TOP2A: variants seen among roughly 807,000 people sequenced by gnomAD.
TOP2A encodes DNA topoisomerase 2-alpha.
TOP2A carries 68 observed loss-of-function variants against 187.2 expected under a neutral mutation model. That is an observed-to-expected ratio of 0.36 (90% CI 0.30 to 0.44). The LOEUF is 0.44. Among genes scored for constraint, TOP2A ranks in the 20% least tolerant of loss-of-function variants. The pLI, the probability that TOP2A is intolerant of heterozygous loss-of-function variation, is 1.00. For missense variants in TOP2A, 1,196 were observed against 1,808.7 expected (o/e 0.66, Z 6.14); for synonymous variants, 542 against 593.2 (o/e 0.91, Z 1.25).
rs554147163 is a variant in TOP2A, at chr17:40,410,484, G to C, written c.1203+625C>G. Among the ~76,000 whole-genome samples the C allele has an allele frequency of 2.6e-5, 4 of 152,300 alleles. No individual in the cohort carries two copies. In the East Asian group the frequency reaches 5.8e-4, roughly 22 times the overall value. On this transcript the variant is annotated intron_variant, in intron 10 of 34. Transcript: ENST00000423485. ...GAAGTCATTGAAAGATTTCAAATGA[G>C]AGTGAAGATAAAAATGGGTGTTTTA...
At chr17:40,415,148 G>A (rs1035788942) in intron 4 of TOP2A, among the ~76,000 whole-genome samples, 2 of 150,362 alleles carry the variant, frequency 1.3e-5, no homozygotes, top group African/African-American at 4.9e-5. Context: ...TCCACCTCCC[G>A]GGTTCATGCC....
rs756124316 is a variant in TOP2A, at chr17:40,408,622, G to T, written c.1212C>A (p.Gly404=). The stretch of plus-strand genomic sequence containing the variant: ...TTAGTATGCTTTCTACAATACCACA[G>T]CCAATGGCCTGAAAACGAGAAGATT... ...LSEKFIKAAI[G]CGIVESILNW... Residue 404 remains glycine (G), a synonymous_variant, in exon 11 of 35, where the codon GGC becomes GGA. Coordinates refer to ENST00000423485, the MANE Select transcript of TOP2A (RefSeq NM_001067.4). 1.2e-6 allele frequency: 2 copies of T among 1,613,738 alleles called. No individual in the cohort carries two copies. The highest frequency in any genetic ancestry group is 2.2e-5 in the South Asian group (2 of 91,084).
rs1411883240 is a variant in TOP2A at position 40,400,570 on chromosome 17, T to C, written c.2758A>G (p.Thr920Ala). Residue 920 changes from threonine to alanine, a missense_variant, in exon 22 of 35, where the codon ACC becomes GCC. By Grantham distance (58) the Thr-to-Ala change is moderately conservative. Transcript: ENST00000423485. ...SGEVAILNSTTIEISELPVRT... is the reference protein window; with the variant it reads ...SGEVAILNSTAIEISELPVRT... ...ACGGGAAGCTCTGAGATTTCAATGGTTGTAGAATTAAGAATAGCTACTTCA... is the reference window on the plus strand; with the variant it reads ...ACGGGAAGCTCTGAGATTTCAATGGCTGTAGAATTAAGAATAGCTACTTCA... 2 of 1,611,386 alleles carry C rather than the reference T, an allele frequency of 1.2e-6. No individual in the cohort carries two copies. The highest frequency in any genetic ancestry group is 4.5e-5 in the East Asian group (2 of 44,850).
intron 4 of TOP2A, 41 bp downstream of exon 4, chr17:40,415,964 T>C: frequency 7.3e-7 from 1 of 1,373,600 alleles, no homozygotes; most frequent in Non-Finnish European, 1.0e-6. Flanking sequence ...CAGCTAACAA[T>C]AGCAACGAGC....
Position 40,406,665 on chromosome 17 carries a change from C to T in TOP2A, c.1762G>A (p.Ala588Thr), listed in dbSNP as rs2035249047. The change falls in exon 15 of 35, where the codon GCA (alanine) becomes ACA (threonine). Residue 588 changes from alanine to threonine, a missense_variant. Physicochemically the swap from Ala to Thr is moderately conservative, Grantham distance 58. Around this residue, in one of 10 missense-constraint regions of TOP2A, gnomAD observed 209 missense variants for 376.9 expected, o/e 0.55. Coordinates refer to ENST00000423485, the MANE Select transcript of TOP2A (RefSeq NM_001067.4). ...VKVSKNKQEM[A>T]FYSLPEFEEW... ...TCAAATTCAGGAAGGCTGTAAAATG[C>T]CATTTCTTGCTTGTTTTTAGATACC... is the stretch of plus-strand genomic sequence containing the variant. 6.2e-7 allele frequency: 1 copy of T among 1,612,092 alleles called. No homozygotes were observed. The highest frequency in any genetic ancestry group is 8.5e-7 in the Non-Finnish European group (1 of 1,179,490).
At chr17:40,398,403 C>T (rs980262201) in intron 27 of TOP2A, among the ~76,000 whole-genome samples, 155 bp downstream of exon 27, 3 of 152,214 alleles carry the variant, frequency 2.0e-5, no homozygotes, top group Middle Eastern at 3.4e-3. Context: ...TGCACCTGGC[C>T]AATAATCTGT....
chr17:40,393,871 C>T, intron 29 of TOP2A, among the ~76,000 whole-genome samples: 1 of 152,056 alleles, frequency 6.6e-6, no homozygotes, highest in Non-Finnish European at 1.5e-5. Flanking sequence ...TCCTGGCCAA[C>T]ATGGTGAAAC....
intron 27 of TOP2A, 104 bp from the exon 28 acceptor site, chr17:40,396,569 C>T (rs1458678280): frequency 2.8e-6 from 4 of 1,413,966 alleles, no homozygotes; most frequent in Non-Finnish European, 2.9e-6. Context: ...ATCTTAAAAA[C>T]TAGTGATAAA....
intron 4 of TOP2A, among the ~76,000 whole-genome samples, chr17:40,413,826 G>A (rs1350502624): frequency 6.6e-6 from 1 of 152,014 alleles, no homozygotes; most frequent in Non-Finnish European, 1.5e-5. Flanking sequence ...TGTTGAAACC[G>A]TCTCTACTAA....
intron 1 of TOP2A, 74 bp from the exon 2 acceptor site, chr17:40,416,969 C>G: frequency 7.7e-7 from 1 of 1,303,576 alleles, no homozygotes. Context: ...GAACAAAATG[C>G]CTACCATAGT....
At chr17:40,410,995 T>A (rs2035313593) in intron 10 of TOP2A, 114 bp downstream of exon 10, 1 of 1,093,784 alleles carries the variant, frequency 9.1e-7, no homozygotes, top group African/African-American at 1.6e-5. Context: ...CTTTTCAGAT[T>A]GGGAAGACTT....
intron 28 of TOP2A, among the ~76,000 whole-genome samples, chr17:40,395,775 C>T (rs2035088837): frequency 6.6e-6 from 1 of 151,770 alleles, no homozygotes. Flanking sequence ...GTGCCCCCAA[C>T]TACTTGGGAG....
intron 10 of TOP2A, chr17:40,408,983 T>C: frequency 2.4e-6 from 1 of 417,244 alleles, no homozygotes; most frequent in Non-Finnish European, 4.7e-6. Flanking sequence ...ACACCTGAGG[T>C]CAGGAGTTTG....
chr17:40,408,864 G>C (rs950727133), intron 10 of TOP2A: 1 of 628,726 alleles, frequency 1.6e-6, no homozygotes, highest in Non-Finnish European at 2.9e-6. Context: ...TAATTATATT[G>C]TGCTAGCACT....
chr17:40,401,000 A>G lies in TOP2A; in HGVS notation c.2514T>C (p.Pro838=), dbSNP rs962461995. Residue 838 remains proline, a synonymous_variant, in exon 21 of 35, where the codon CCT becomes CCC. Transcript: ENST00000423485. ...FLYDDNQRVE[P]EWYIPIIPMV... is the part of the protein sequence containing the mutation. ...TGGGAATAATAGGAATGTACCATTC[A>G]GGCTCAACACGCTGGTTGTCATCAT... 2 of 1,613,922 alleles carry G rather than the reference A, an allele frequency of 1.2e-6. No individual in the cohort carries two copies. Among genetic ancestry groups the G allele is most frequent in the African/African-American group, 2.7e-5 (2 of 74,940 alleles).
chr17:40,396,129 GC>G (rs778405574), intron 28 of TOP2A, among the ~76,000 whole-genome samples, 153 bp downstream of exon 28: 1 of 151,506 alleles, frequency 6.6e-6, no homozygotes, highest in Non-Finnish European at 1.5e-5. Flanking sequence ...ACAGGCGCCT[GC>G]CACCATGCCC....
At position 40,400,846 on chromosome 17, in the gene TOP2A, T is replaced by G. The variant is rs764374604; in HGVS notation, c.2664+4A>C. On this transcript the variant is annotated splice_donor_region_variant and intron_variant, in intron 21 of 34. Coordinates refer to ENST00000423485, the MANE Select transcript of TOP2A (RefSeq NM_001067.4). ...AAGGCTCTTAACACACACAGAATAC[T>G]TACCATTGGCAAAGGTTCTTCTCCA... The G allele has an allele frequency of 6.2e-7, 1 of 1,613,702 alleles. No individual in the cohort carries two copies. The highest frequency in any genetic ancestry group is 1.1e-5 in the South Asian group (1 of 91,082).
In TOP2A at chr17:40,391,607, G is replaced by A. The variant is rs759377856; in HGVS notation, c.4166C>T (p.Pro1389Leu). The A allele has an allele frequency of 6.2e-7, 1 of 1,610,822 alleles. No individual in the cohort carries two copies. The highest frequency in any genetic ancestry group is 1.1e-5 in the South Asian group (1 of 90,380). Residue 1389 changes from proline (P) to leucine (L), a missense_variant, in exon 33 of 35, where the codon CCA (proline) becomes CTA (leucine). This residue lies in a region of TOP2A where 374 missense variants were observed against 403.3 expected (regional missense o/e 0.93). Transcript: ENST00000423485. Reference sequence around the variant, plus strand: ...TGTAGCAGGAGGGCTTGAAGACAGTGGTACACTGCCCTTAACATCATCAGC... The same window carrying A: ...TGTAGCAGGAGGGCTTGAAGACAGTAGTACACTGCCCTTAACATCATCAGC... ...LEADDVKGSV[P>L]LSSSPPATHF...
At chr17:40,395,426 T>C (rs765986532) in intron 29 of TOP2A, 23 bp downstream of exon 29, 1 of 1,518,482 alleles carries the variant, frequency 6.6e-7, no homozygotes, top group South Asian at 1.2e-5. Context: ...CTTTATACCA[T>C]TTTTCTAAAA....
Sources: allele counts gnomAD v4.1 joint callset (sites outside exome capture counted in the v4.1 genomes callset), GRCh38; gene constraint gnomAD v4.1.1; regional missense constraint gnomAD v4.1.1; transcripts MANE v1.5; gene names NCBI Gene and HGNC (gene_info 2026-07-23, HGNC 2026-07-21).